Variants in ETV6 observed in about 807,000 individuals in gnomAD.
ETV6 encodes ETS variant transcription factor 6.
Under a neutral mutation model 51.1 loss-of-function variants are expected in ETV6, and 16 were observed. That is an observed-to-expected ratio of 0.31 (90% confidence interval 0.21 to 0.48). ETV6 has a LOEUF of 0.48. Ranked by LOEUF, ETV6 falls within the 20% of genes least tolerant of loss-of-function variation. The pLI is 0.99. For synonymous variants in ETV6, 240 were observed against 224.1 expected, an observed-to-expected ratio of 1.07 and a Z score of -0.64; for missense variants, 458 against 594.8, an observed-to-expected ratio of 0.77 and a Z score of 2.39.
chr12:11,745,863 G>A (rs1443206591), intron 1 of ETV6, among the ~76,000 whole-genome samples: 1 of 152,156 alleles, frequency 6.6e-6, no homozygotes, highest in Non-Finnish European at 1.5e-5. Flanking sequence ...TTCTAGCCAC[G>A]GCCAAGTTAT....
At chr12:11,880,782 T>G (rs1219439862) in intron 5 of ETV6, among the ~76,000 whole-genome samples, 1 of 152,168 alleles carries the variant, frequency 6.6e-6, no homozygotes, top group Non-Finnish European at 1.5e-5. Context: ...TTGCTGAAAT[T>G]TATTAAAATG....
chr12:11,809,074 G>A (rs1248128900), intron 2 of ETV6, among the ~76,000 whole-genome samples: 1 of 151,906 alleles, frequency 6.6e-6, no homozygotes, highest in East Asian at 1.9e-4. Flanking sequence ...CATGAGGTGG[G>A]AGAATGACCT....
At chr12:11,770,311 G>A (rs901227995) in intron 2 of ETV6, among the ~76,000 whole-genome samples, 5 of 151,924 alleles carry the variant, frequency 3.3e-5, no homozygotes, top group Non-Finnish European at 7.4e-5. Flanking sequence ...GACTGAGGCC[G>A]TGGCCCGGGT....
intron 1 of ETV6, among the ~76,000 whole-genome samples, chr12:11,682,325 G>A (rs982633830): frequency 4.6e-5 from 7 of 152,168 alleles, no homozygotes; most frequent in African/African-American, 1.4e-4. Context: ...CAGTGATGAT[G>A]AGCTTTTTTT....
intron 1 of ETV6, among the ~76,000 whole-genome samples, chr12:11,707,976 G>A (rs757869167): frequency 6.6e-6 from 1 of 152,226 alleles, no homozygotes; most frequent in Non-Finnish European, 1.5e-5. Flanking sequence ...GCCGTTTGAA[G>A]TCTATCTTTT....
At chr12:11,849,268 G>T (rs750950734) in intron 3 of ETV6, among the ~76,000 whole-genome samples, 1 of 151,752 alleles carries the variant, frequency 6.6e-6, no homozygotes, top group Non-Finnish European at 1.5e-5. Flanking sequence ...GCATCACCAC[G>T]CCCAACTAAT....
intron 3 of ETV6, chr12:11,840,350 C>T (rs2136465944): frequency 2.2e-6 from 1 of 446,674 alleles, no homozygotes; most frequent in Non-Finnish European, 4.5e-6. Flanking sequence ...TAGAAGGTAC[C>T]TGTCTGGGAA....
intron 5 of ETV6, among the ~76,000 whole-genome samples, chr12:11,873,404 T>G (rs140930332): frequency 1.3e-5 from 2 of 152,334 alleles, no homozygotes; most frequent in Non-Finnish European, 2.9e-5. Flanking sequence ...TGAAATTCAT[T>G]GGGTGATTCC....
In ETV6 at chr12:11,893,596, G is replaced by A. The variant is rs980297310; in HGVS notation, c.*2550G>A. 2 of 231,218 alleles carry A rather than the reference G, an allele frequency of 8.6e-6. No individual in the cohort carries two copies. The highest frequency in any genetic ancestry group is 4.4e-5 in the African/African-American group (2 of 45,056). 14.3% of individuals were successfully genotyped at this position (231,218 alleles called of 1,614,324 possible). ...CCCCAAAATCCAAACCTTCCTGAAC[G>A]CTATGACACCATGAGTGGAAAATTC... On this transcript the variant is annotated 3_prime_UTR_variant, in exon 8 of 8. Coordinates refer to ENST00000396373, the MANE Select transcript of ETV6 (RefSeq NM_001987.5).
At chr12:11,819,822 G>A (rs894874659) in intron 2 of ETV6, among the ~76,000 whole-genome samples, 12 of 152,164 alleles carry the variant, frequency 7.9e-5, no homozygotes, top group South Asian at 2.1e-4. Context: ...CTGACTGGCC[G>A]CCTTGTACCA....
chr12:11,660,754 T>C (rs1189117790), intron 1 of ETV6, among the ~76,000 whole-genome samples: 1 of 152,198 alleles, frequency 6.6e-6, no homozygotes, highest in Admixed American at 6.5e-5. Flanking sequence ...CAAACTGCCC[T>C]TGGCCATCAA....
chr12:11,701,533 T>C (rs1864982104), intron 1 of ETV6, among the ~76,000 whole-genome samples: 1 of 152,234 alleles, frequency 6.6e-6, no homozygotes, highest in Non-Finnish European at 1.5e-5. Context: ...AGGTAGATTT[T>C]TCTTCCAGCT....
chr12:11,824,793 A>G (rs1229607559), intron 2 of ETV6, among the ~76,000 whole-genome samples: 2 of 152,182 alleles, frequency 1.3e-5, no homozygotes, highest in African/African-American at 4.8e-5. Flanking sequence ...GAAAAAGAAA[A>G]GGATGGGGCA....
intron 3 of ETV6, 111 bp from the exon 4 acceptor site, chr12:11,853,316 C>T (rs983684685): frequency 2.8e-4 from 358 of 1,275,296 alleles, no homozygotes; most frequent in Non-Finnish European, 3.5e-4. Flanking sequence ...GTGGCAGGTG[C>T]GCTCCAATTG....
intron 1 of ETV6, among the ~76,000 whole-genome samples, chr12:11,724,202 G>A (rs1865446674): frequency 6.6e-6 from 1 of 152,190 alleles, no homozygotes. Flanking sequence ...GTTTCCCCTT[G>A]ACAGGTCCTG....
At position 11,889,411 on chromosome 12, in the gene ETV6, T is replaced by C. The variant is rs149944983; in HGVS notation, c.1254-1530T>C. 4.2e-3 allele frequency among the ~76,000 whole-genome samples: 642 copies of C among 152,342 alleles called. 28 individuals carry two copies. The highest frequency in any genetic ancestry group is 0.038 in the Admixed American group (580 of 15,300). ...GTTAGAAGCCAGACTTGCCACAAAATGAAGGTTTCTTGGTATAAGACCTAG... is the reference window on the plus strand; with the variant it reads ...GTTAGAAGCCAGACTTGCCACAAAACGAAGGTTTCTTGGTATAAGACCTAG... On this transcript the variant is annotated intron_variant, in intron 7 of 7. Transcript: ENST00000396373.
chr12:11,728,361 C>CA (rs1865529696), intron 1 of ETV6, among the ~76,000 whole-genome samples: 1 of 152,218 alleles, frequency 6.6e-6, no homozygotes, highest in Admixed American at 6.5e-5. Context: ...CTGGGCCGCA[C>CA]AGCAGGAGGT....
At chr12:11,655,508 A>AT (rs1863984499) in intron 1 of ETV6, among the ~76,000 whole-genome samples, 1 of 152,206 alleles carries the variant, frequency 6.6e-6, no homozygotes, top group Admixed American at 6.5e-5. Flanking sequence ...ATTTTTATTG[A>AT]TTTTCCAAAC....
chr12:11,876,071 A>G (rs1946977574), intron 5 of ETV6, among the ~76,000 whole-genome samples: 1 of 152,188 alleles, frequency 6.6e-6, no homozygotes, highest in Non-Finnish European at 1.5e-5. Flanking sequence ...GCTCCCAAGG[A>G]ATTATTTGCA....
Sources: gnomAD v4.1 joint callset for allele counts (sites outside exome capture counted in the v4.1 genomes callset) on GRCh38, gnomAD v4.1.1 for gene constraint, MANE v1.5 for transcripts, NCBI Gene and HGNC (gene_info 2026-07-23, HGNC 2026-07-21) for gene names.